Variants in GRIA4 observed in about 807,000 individuals in gnomAD.
The protein encoded by GRIA4 is glutamate receptor 4.
A neutral mutation model predicts 104.0 loss-of-function variants in GRIA4; 34 were observed. The ratio of observed to expected loss-of-function variants is 0.33; its 90% CI spans 0.25 to 0.44. GRIA4 has a LOEUF of 0.44. GRIA4 is among the 20% of genes least tolerant of loss of function. The pLI is 1.00. For synonymous variants in GRIA4, 386 were observed against 381.9 expected (o/e 1.01, Z -0.13); for missense variants, 750 against 1,096.5 (o/e 0.68, Z 4.46).
chr11:105,738,718 A>G (rs1330839452), intron 3 of GRIA4, among the ~76,000 whole-genome samples: 3 of 152,106 alleles, frequency 2.0e-5, no homozygotes, highest in African/African-American at 7.2e-5. Flanking sequence ...CCCTTGAAAA[A>G]GTGTTTCTCT....
At chr11:105,669,975 T>C (rs1952307752) in intron 3 of GRIA4, among the ~76,000 whole-genome samples, 1 of 152,066 alleles carries the variant, frequency 6.6e-6, no homozygotes, top group African/African-American at 2.4e-5. Context: ...AGAAACACCA[T>C]GTGGGCTCAG....
intron 4 of GRIA4, among the ~76,000 whole-genome samples, chr11:105,810,780 G>A (rs1938966): frequency 0.45 from 67,592 of 151,826 alleles, 15,590 homozygotes; most frequent in Middle Eastern, 0.52. Context: ...GCACCTTTCA[G>A]AGTTTCACCT....
rs554394411 is a variant in GRIA4, at chr11:105,707,547, T to C, written c.248-45434T>C. ...AAGAAGGCATTGTTCTAAGAGAGAG[T>C]TGCGCTCAAATTCAGTGTGTCCCAT... is the stretch of plus-strand genomic sequence containing the variant. On this transcript the variant is annotated intron_variant, in intron 3 of 16. Coordinates refer to ENST00000282499, the MANE Select transcript of GRIA4 (RefSeq NM_000829.4). The C allele has an allele frequency of 4.6e-5, 7 of 152,084 alleles. No individual in the cohort carries two copies. The East Asian group carries it at 1.4e-3, about 29-fold the overall frequency. 9.4% of individuals were successfully genotyped at this position (152,084 alleles called of 1,614,324 possible).
rs138265042 is a variant in GRIA4 at position 105,828,477 on chromosome 11, G to A, written c.488-33547G>A. ...GAAATGCTACCTAGGCAGCACTGGCGGTTCCTACCTGAGACAGCTAATACA... is the reference window on the plus strand; with the variant it reads ...GAAATGCTACCTAGGCAGCACTGGCAGTTCCTACCTGAGACAGCTAATACA... On this transcript the variant is annotated intron_variant, in intron 4 of 16. Coordinates refer to ENST00000282499, the MANE Select transcript of GRIA4 (RefSeq NM_000829.4). 1.4e-4 allele frequency among the ~76,000 whole-genome samples: 21 copies of A among 151,996 alleles called. No individual in the cohort carries two copies. The East Asian group carries it at 2.1e-3, about 15-fold the overall frequency.
At chr11:105,948,373 T>C (rs1343472499) in intron 14 of GRIA4, among the ~76,000 whole-genome samples, 1 of 152,134 alleles carries the variant, frequency 6.6e-6, no homozygotes, top group Non-Finnish European at 1.5e-5. Flanking sequence ...GGAAAATTTA[T>C]AGTCTTTGTA....
intron 3 of GRIA4, among the ~76,000 whole-genome samples, chr11:105,667,148 A>T (rs1391877158): frequency 6.6e-6 from 1 of 152,020 alleles, no homozygotes. Flanking sequence ...ATTAAGAAAA[A>T]CAATTATGTA....
At chr11:105,891,352 T>C (rs1452077969) in intron 6 of GRIA4, among the ~76,000 whole-genome samples, 1 of 152,204 alleles carries the variant, frequency 6.6e-6, no homozygotes, top group East Asian at 1.9e-4. Context: ...CTCTGAGTCA[T>C]TGCCCCAATT....
rs1257560935 is a variant in GRIA4 at position 105,838,567 on chromosome 11, CT to C, written c.488-23456del. Among the ~76,000 whole-genome samples, 3 of 152,130 alleles carry C rather than the reference CT, an allele frequency of 2.0e-5. No homozygotes were observed. The East Asian group carries it at 5.8e-4, about 29-fold the overall frequency. ...TCCTTTGGTTAGTAGGTTAAAATCC[CT>C]GAGGACTTTTATTTATTTTTTAAGC... On this transcript the variant is annotated intron_variant, in intron 4 of 16. Transcript: ENST00000282499.
intron 4 of GRIA4, among the ~76,000 whole-genome samples, chr11:105,845,885 C>T (rs757517689): frequency 1.7e-4 from 26 of 151,832 alleles, no homozygotes; most frequent in Non-Finnish European, 3.1e-4. Flanking sequence ...AGAGAGACTC[C>T]GTCTCAAAAC....
chr11:105,877,374 C>A (rs1945868381), intron 5 of GRIA4, among the ~76,000 whole-genome samples: 1 of 152,188 alleles, frequency 6.6e-6, no homozygotes, highest in Non-Finnish European at 1.5e-5. Flanking sequence ...GTGAATCTGA[C>A]AATTACGTGT....
intron 10 of GRIA4, chr11:105,911,927 C>A: frequency 6.4e-7 from 1 of 1,556,756 alleles, no homozygotes; most frequent in Non-Finnish European, 8.8e-7. Context: ...GAAAAGAGTT[C>A]CGCGCTGTTC....
At chr11:105,667,328 G>A (rs977515679) in intron 3 of GRIA4, among the ~76,000 whole-genome samples, 2 of 151,862 alleles carry the variant, frequency 1.3e-5, no homozygotes, top group Non-Finnish European at 2.9e-5. Flanking sequence ...AAAGTTACTG[G>A]ATGCCTAGAA....
At chr11:105,839,070 C>T (rs1298918898) in intron 4 of GRIA4, among the ~76,000 whole-genome samples, 4 of 152,098 alleles carry the variant, frequency 2.6e-5, no homozygotes, top group Non-Finnish European at 5.9e-5. Flanking sequence ...TCCATGCATG[C>T]ACCGGCCCCC....
intron 3 of GRIA4, among the ~76,000 whole-genome samples, chr11:105,745,553 C>T (rs1230931897): frequency 6.6e-6 from 1 of 152,162 alleles, no homozygotes; most frequent in African/African-American, 2.4e-5. Flanking sequence ...CAGTTCTAAG[C>T]CAATATACCC....
intron 4 of GRIA4, among the ~76,000 whole-genome samples, chr11:105,789,912 A>G (rs1411931920): frequency 6.6e-6 from 1 of 152,170 alleles, no homozygotes; most frequent in Non-Finnish European, 1.5e-5. Flanking sequence ...CTAAATGTCA[A>G]TTTGAAGAAT....
rs1057461351 is a variant in GRIA4, at chr11:105,906,224, T to A, written c.1158+923T>A. 2.0e-5 allele frequency among the ~76,000 whole-genome samples: 3 copies of A among 152,226 alleles called. No individual in the cohort carries two copies. In the East Asian group the frequency reaches 5.8e-4, roughly 29 times the overall value. ...CATGACAAACCTATAATTTGAGTAG[T>A]AGTATTTCTCTTTTTTTCAAATGAG... On this transcript the variant is annotated intron_variant, in intron 9 of 16. Transcript: ENST00000282499.
At chr11:105,925,303 C>CGTT (rs1565346168) in intron 12 of GRIA4, among the ~76,000 whole-genome samples, 13 of 152,194 alleles carry the variant, frequency 8.5e-5, no homozygotes, top group African/African-American at 2.9e-4. Flanking sequence ...AAAAGCCAAC[C>CGTT]ATGCAAACAC....
intron 3 of GRIA4, among the ~76,000 whole-genome samples, chr11:105,697,918 T>C (rs1010357085): frequency 1.3e-5 from 2 of 152,208 alleles, no homozygotes; most frequent in Non-Finnish European, 2.9e-5. Context: ...TTCAAAGGCA[T>C]GCTTTTTTCC....
intron 16 of GRIA4, among the ~76,000 whole-genome samples, chr11:105,977,130 A>G (rs1859020353): frequency 6.6e-6 from 1 of 152,038 alleles, no homozygotes; most frequent in Non-Finnish European, 1.5e-5. Context: ...GCTTTTATTA[A>G]TGGTATTTTA....
Sources: gnomAD v4.1 joint callset for allele counts (sites outside exome capture counted in the v4.1 genomes callset) on GRCh38, gnomAD v4.1.1 for gene constraint, MANE v1.5 for transcripts, NCBI Gene and HGNC (gene_info 2026-07-23, HGNC 2026-07-21) for gene names.